Variants in GTF2A2 observed in about 807,000 individuals in gnomAD.
GTF2A2 encodes general transcription factor IIA subunit 2.
In GTF2A2, 9 loss-of-function variants were observed where a neutral mutation model predicts 14.3. That is an observed-to-expected ratio of 0.63 (90% CI 0.38 to 1.10). The LOEUF (loss-of-function observed/expected upper bound fraction) is 1.10. Among genes scored for constraint, GTF2A2 ranks in the 50% least tolerant of loss-of-function variants. GTF2A2 has a pLI of 0.01. For missense variants in GTF2A2, 90 were observed against 124.6 expected (o/e 0.72, Z 1.32); for synonymous variants, 56 against 46.0 (o/e 1.22, Z -0.88).
intron 4 of GTF2A2, among the ~76,000 whole-genome samples, chr15:59,640,604 G>A (rs1323547790): frequency 1.3e-5 from 2 of 152,174 alleles, no homozygotes; most frequent in Non-Finnish European, 2.9e-5. Context: ...AAATGCAACA[G>A]AACATGTCCG....
intron 3 of GTF2A2, among the ~76,000 whole-genome samples, chr15:59,648,940 C>G (rs1392063983): frequency 6.6e-6 from 1 of 151,174 alleles, no homozygotes; most frequent in Non-Finnish European, 1.5e-5. Flanking sequence ...TCTCAAAAAA[C>G]AAAAACAAAA....
chr15:59,643,849 T>G (rs552161598), intron 3 of GTF2A2, among the ~76,000 whole-genome samples: 159 of 149,754 alleles, frequency 1.1e-3, no homozygotes, highest in Middle Eastern at 3.6e-3. Context: ...CTGCCCACCT[T>G]GGCCTCCCAA....
chr15:59,652,610 T>TA (rs2141966894), intron 1 of GTF2A2, among the ~76,000 whole-genome samples: 1 of 152,300 alleles, frequency 6.6e-6, no homozygotes, highest in South Asian at 2.1e-4. Flanking sequence ...CCTTCTGACT[T>TA]AGTCTAGAAT....
chr15:59,646,273 C>T (rs1015331968), intron 3 of GTF2A2, among the ~76,000 whole-genome samples: 5 of 152,278 alleles, frequency 3.3e-5, no homozygotes, highest in African/African-American at 1.2e-4. Context: ...TCAGGCTGGT[C>T]TTGAACTCCT....
At chr15:59,649,778 A>G (rs1341334480) in intron 3 of GTF2A2, among the ~76,000 whole-genome samples, 5 of 152,166 alleles carry the variant, frequency 3.3e-5, no homozygotes, top group Non-Finnish European at 5.9e-5. Flanking sequence ...TATCTAGAAC[A>G]TGCCTGGTAT....
intron 4 of GTF2A2, among the ~76,000 whole-genome samples, chr15:59,639,384 G>C (rs1814294424): frequency 6.6e-6 from 1 of 151,754 alleles, no homozygotes; most frequent in Non-Finnish European, 1.5e-5. Flanking sequence ...ATTCATACTA[G>C]AGTAAAACTA....
At chr15:59,640,763 A>G (rs1016853960) in intron 4 of GTF2A2, among the ~76,000 whole-genome samples, 1 of 152,226 alleles carries the variant, frequency 6.6e-6, no homozygotes, top group Non-Finnish European at 1.5e-5. Context: ...TTAAATATGA[A>G]AAAAATTGTA....
intron 4 of GTF2A2, among the ~76,000 whole-genome samples, chr15:59,641,179 CTCT>C (rs1891408920): frequency 1.3e-5 from 1 of 77,786 alleles, no homozygotes; most frequent in African/African-American, 6.6e-5. Context: ...TACAGCAAGA[CTCT>C]TTTTTTTTTT....
intron 3 of GTF2A2, among the ~76,000 whole-genome samples, chr15:59,647,634 A>G (rs976388618): frequency 2.0e-5 from 3 of 152,172 alleles, no homozygotes; most frequent in Admixed American, 2.0e-4. Context: ...GCTAGAGTGC[A>G]GTGGCGCGAT....
chr15:59,652,046 T>C (rs1173681402), intron 2 of GTF2A2, 160 bp downstream of exon 2: 16 of 566,732 alleles, frequency 2.8e-5, no homozygotes, highest in African/African-American at 7.8e-5. Flanking sequence ...CAGGACAGTG[T>C]AATAAACAAG....
Position 59,639,069 on chromosome 15 carries a change from T to A in GTF2A2, c.*63A>T. On this transcript the variant is annotated 3_prime_UTR_variant, in exon 5 of 5. Transcript: ENST00000396060. ...TCTAGAATAAATAAAAAGTCTCTTCTATGCTTCTCTTCAAAAGCAATGAAT... is the reference window on the plus strand; with the variant it reads ...TCTAGAATAAATAAAAAGTCTCTTCAATGCTTCTCTTCAAAAGCAATGAAT... The A allele has an allele frequency of 1.1e-6, 1 of 930,346 alleles. No homozygotes were observed. The highest frequency in any genetic ancestry group is 1.8e-6 in the Non-Finnish European group (1 of 561,674). The allele number at this position is 930,346 out of a possible 1,614,324, so 57.6% of individuals were successfully genotyped here.
chr15:59,642,907 C>CA (rs1346792239), intron 3 of GTF2A2, among the ~76,000 whole-genome samples: 1 of 151,982 alleles, frequency 6.6e-6, no homozygotes, highest in Non-Finnish European at 1.5e-5. Context: ...GCTGGGACTA[C>CA]AGGTGCCTGC....
chr15:59,640,980 G>A (rs1408869133), intron 4 of GTF2A2, among the ~76,000 whole-genome samples: 4 of 152,076 alleles, frequency 2.6e-5, no homozygotes, highest in African/African-American at 4.8e-5. Flanking sequence ...CAACAATAAC[G>A]CTGCTAGGTT....
chr15:59,648,245 T>TA (rs1451808234), intron 3 of GTF2A2, among the ~76,000 whole-genome samples: 2 of 151,378 alleles, frequency 1.3e-5, no homozygotes, highest in Non-Finnish European at 2.9e-5. Flanking sequence ...CATCTCTTAC[T>TA]AAAAATACAA....
At chr15:59,656,681 A>G (rs1180083873) in intron 1 of GTF2A2, 1 of 152,234 alleles carries the variant, frequency 6.6e-6, no homozygotes, top group Non-Finnish European at 1.5e-5. Context: ...AGAAGTCCCA[A>G]TAGGTAGATA....
intron 3 of GTF2A2, among the ~76,000 whole-genome samples, chr15:59,644,489 T>C (rs545877194): frequency 2.6e-5 from 4 of 152,364 alleles, no homozygotes; most frequent in African/African-American, 9.6e-5. Context: ...TGTGCTAGAC[T>C]ATGCTGGCCT....
intron 3 of GTF2A2, among the ~76,000 whole-genome samples, chr15:59,644,909 T>C (rs1300548205): frequency 1.3e-5 from 2 of 152,188 alleles, no homozygotes; most frequent in South Asian, 2.1e-4. Context: ...ATTTGCATTT[T>C]TGGTGATGAC....
chr15:59,645,237 G>A (rs1468873588), intron 3 of GTF2A2, among the ~76,000 whole-genome samples: 1 of 152,154 alleles, frequency 6.6e-6, no homozygotes, highest in African/African-American at 2.4e-5. Context: ...TCTAAGTCAT[G>A]ATGTCCAATA....
intron 3 of GTF2A2, among the ~76,000 whole-genome samples, chr15:59,647,103 G>A (rs952672933): frequency 6.6e-6 from 1 of 151,642 alleles, no homozygotes; most frequent in African/African-American, 2.4e-5. Flanking sequence ...CATACATATA[G>A]TTTTTTTGAA....
Sources: gnomAD v4.1 joint callset for allele counts (sites outside exome capture counted in the v4.1 genomes callset) on GRCh38, gnomAD v4.1.1 for gene constraint, MANE v1.5 for transcripts, NCBI Gene and HGNC (gene_info 2026-07-23, HGNC 2026-07-21) for gene names.